SIMC1: variants seen among roughly 807,000 people sequenced by gnomAD.
The protein encoded by SIMC1 is SUMO-interacting motif-containing protein 1.
Under a neutral mutation model 82.3 loss-of-function variants are expected in SIMC1, and 55 were observed. The observed-to-expected ratio is 0.67, with a 90% CI of 0.54 to 0.84. The LOEUF (loss-of-function observed/expected upper bound fraction) is 0.84, where lower values mean the gene tolerates loss of function less well. Ranked by LOEUF, SIMC1 falls within the 40% of genes least tolerant of loss-of-function variation. The pLI is 0.00. For missense variants in SIMC1, 915 were observed against 1,107.2 expected, an observed-to-expected ratio of 0.83 and a Z score of 2.46; for synonymous variants, 353 against 426.3, an observed-to-expected ratio of 0.83 and a Z score of 2.12.
At chr5:176,313,877 G>T in intron 5 of SIMC1, 32 bp downstream of exon 5, 13 of 1,611,706 alleles carry the variant, frequency 8.1e-6, no homozygotes, top group South Asian at 1.1e-5. Context: ...CGGATGAGAA[G>T]AGGTAAGGGA....
intron 1 of SIMC1, among the ~76,000 whole-genome samples, chr5:176,278,887 T>C: frequency 6.6e-6 from 1 of 151,434 alleles, no homozygotes; most frequent in East Asian, 1.9e-4. Flanking sequence ...TCAATGTTCA[T>C]CAAGGATATT....
chr5:176,329,662 A>G (rs1042814671), intron 7 of SIMC1, among the ~76,000 whole-genome samples: 1 of 152,204 alleles, frequency 6.6e-6, no homozygotes, highest in African/African-American at 2.4e-5. Context: ...ACTAAATGTC[A>G]TAATGGTAAA....
At position 176,290,051 on chromosome 5, in the gene SIMC1, T is replaced by C. The variant is rs781106659; in HGVS notation, c.527T>C (p.Leu176Pro). The C allele has an allele frequency of 6.2e-7, 1 of 1,611,854 alleles. No individual in the cohort carries two copies. The highest frequency in any genetic ancestry group is 1.3e-5 in the African/African-American group (1 of 74,944). Residue 176 changes from leucine (L) to proline (P), a missense_variant, in exon 2 of 10, where the codon CTA becomes CCA. Around this residue, in one of 2 missense-constraint regions of SIMC1, gnomAD observed 902 missense variants for 1,040.3 expected, o/e 0.87. Transcript: ENST00000429602. ...GGTAACCTCAGCTTCTTGGCAAGTC[T>C]ACAGCTGTCTTCAGATGTTAGCTCC... is the stretch of plus-strand genomic sequence containing the variant. ...FTGNLSFLAS[L>P]QLSSDVSSLS... is the part of the protein sequence containing the mutation.
rs1372888669 is a variant in SIMC1, at chr5:176,272,207, T to A, written c.130-17447T>A. 6.1e-5 allele frequency among the ~76,000 whole-genome samples: 8 copies of A among 130,486 alleles called. 3 individuals are homozygous for A. The highest frequency in any genetic ancestry group is 7.9e-5 in the Non-Finnish European group (5 of 63,014). The allele number at this position is 130,486 out of a possible 152,430, so 85.6% of individuals were successfully genotyped here. On this transcript the variant is annotated intron_variant, in intron 1 of 9. Transcript: ENST00000429602. Reference sequence around the variant, plus strand: ...AAAAAAAAAAAAAAAAAGGTGGGCATGGTGGAACGCACCTGCAGTCCCTGC... The same window carrying A: ...AAAAAAAAAAAAAAAAAGGTGGGCAAGGTGGAACGCACCTGCAGTCCCTGC...
intron 1 of SIMC1, among the ~76,000 whole-genome samples, chr5:176,253,517 G>T (rs994427389): frequency 2.6e-5 from 4 of 152,004 alleles, no homozygotes; most frequent in African/African-American, 9.7e-5. Flanking sequence ...CCTGGAAATA[G>T]CTCAGTTTTG....
chr5:176,328,631 G>C lies in SIMC1; in HGVS notation c.2171+3874G>C, dbSNP rs139196406. 9.7e-3 allele frequency among the ~76,000 whole-genome samples: 1,475 copies of C among 152,178 alleles called. 16 individuals are homozygous for C. Among genetic ancestry groups the C allele is most frequent in the Non-Finnish European group, 0.014 (967 of 68,010 alleles). On this transcript the variant is annotated intron_variant, in intron 7 of 9. Transcript: ENST00000429602. The stretch of plus-strand genomic sequence containing the variant: ...TAGCGTTCCAATAATGGAACACTGG[G>C]CATAAATTTAATGTTTTACATACTC...
At chr5:176,345,045 C>A in intron 9 of SIMC1, 138 bp from the exon 10 acceptor site, 1 of 1,048,956 alleles carries the variant, frequency 9.5e-7, no homozygotes. Context: ...TTACTGCAGG[C>A]ACTCACACAG....
At chr5:176,272,850 C>T (rs1442478624) in intron 1 of SIMC1, among the ~76,000 whole-genome samples, 1 of 152,196 alleles carries the variant, frequency 6.6e-6, no homozygotes, top group African/African-American at 2.4e-5. Flanking sequence ...GCACAGCAGT[C>T]TGAGATTGAA....
intron 4 of SIMC1, among the ~76,000 whole-genome samples, chr5:176,302,559 T>G (rs1764086889): frequency 6.6e-6 from 1 of 152,058 alleles, no homozygotes; most frequent in Admixed American, 6.6e-5. Context: ...ACAGAGCAGT[T>G]AGTCAAGAAA....
At chr5:176,277,368 G>C (rs918933428) in intron 1 of SIMC1, among the ~76,000 whole-genome samples, 2 of 151,880 alleles carry the variant, frequency 1.3e-5, no homozygotes, top group African/African-American at 4.8e-5. Context: ...TGATGAGTGG[G>C]TTGCAAAAAT....
chr5:176,284,728 A>G (rs866044962), intron 1 of SIMC1, among the ~76,000 whole-genome samples: 2 of 152,208 alleles, frequency 1.3e-5, no homozygotes, highest in African/African-American at 4.8e-5. Context: ...CAAAAAATCA[A>G]TGAATCTAGG....
rs931172696 is a variant in SIMC1, at chr5:176,290,281, A to G, written c.757A>G (p.Thr253Ala). The G allele has an allele frequency of 4.0e-5, 64 of 1,613,120 alleles. No homozygotes were observed. Among genetic ancestry groups the G allele is most frequent in the Non-Finnish European group, 4.7e-5 (56 of 1,179,782 alleles). Residue 253 changes from threonine to alanine, a missense_variant, in exon 2 of 10, where the codon ACC becomes GCC. By Grantham distance (58) the Thr-to-Ala change is moderately conservative. Transcript: ENST00000429602. Reference protein sequence around the residue: ...PPRALSCPSQTMQCQLPALTH... With the variant: ...PPRALSCPSQAMQCQLPALTH... Reference sequence around the variant, plus strand: ...ACGAGCCTTGTCATGCCCATCACAAACCATGCAGTGCCAACTACCAGCTCT... The same window carrying G: ...ACGAGCCTTGTCATGCCCATCACAAGCCATGCAGTGCCAACTACCAGCTCT...
intron 4 of SIMC1, among the ~76,000 whole-genome samples, chr5:176,302,801 T>C (rs1764099108): frequency 6.6e-6 from 1 of 152,178 alleles, no homozygotes; most frequent in Non-Finnish European, 1.5e-5. Flanking sequence ...CAATTTCATT[T>C]ACAATATCAT....
intron 1 of SIMC1, among the ~76,000 whole-genome samples, chr5:176,250,127 C>T (rs908938307): frequency 2.0e-5 from 3 of 152,110 alleles, no homozygotes; most frequent in African/African-American, 4.8e-5. Flanking sequence ...TGTCTTTGTT[C>T]TCCTTGGTTT....
chr5:176,327,224 A>G (rs1765432611), intron 7 of SIMC1, among the ~76,000 whole-genome samples: 1 of 152,240 alleles, frequency 6.6e-6, no homozygotes, highest in South Asian at 2.1e-4. Context: ...CTACTTTAAA[A>G]TTCTCTCAGA....
chr5:176,333,049 A>G (rs1365483168), intron 7 of SIMC1, among the ~76,000 whole-genome samples: 2 of 152,214 alleles, frequency 1.3e-5, no homozygotes, highest in African/African-American at 4.8e-5. Flanking sequence ...CACGCCTATA[A>G]TCCCAGCACT....
chr5:176,252,223 C>G (rs935656184), intron 1 of SIMC1, among the ~76,000 whole-genome samples: 3 of 151,134 alleles, frequency 2.0e-5, no homozygotes, highest in Non-Finnish European at 4.4e-5. Flanking sequence ...GACCGCCCCC[C>G]CCACCTCCCT....
chr5:176,313,442 AC>A, intron 4 of SIMC1: 1 of 1,549,242 alleles, frequency 6.5e-7, no homozygotes, highest in Non-Finnish European at 8.7e-7. Flanking sequence ...GATCCTTTGA[AC>A]AAGTAATAAT....
chr5:176,331,368 T>TAAAA (rs70991536), intron 7 of SIMC1, among the ~76,000 whole-genome samples: 1 of 131,468 alleles, frequency 7.6e-6, no homozygotes, highest in African/African-American at 2.9e-5. Context: ...AGACTCTGTC[T>TAAAA]AAAAAAAAAA....
Sources: gnomAD v4.1 joint callset for allele counts (sites outside exome capture counted in the v4.1 genomes callset) on GRCh38, gnomAD v4.1.1 for gene constraint, gnomAD v4.1.1 regional missense constraint, MANE v1.5 for transcripts, NCBI Gene and HGNC (gene_info 2026-07-23, HGNC 2026-07-21) for gene names.